ESRRG: variants seen among roughly 807,000 people sequenced by gnomAD.
ESRRG encodes the protein estrogen-related receptor gamma.
A neutral mutation model predicts 44.0 loss-of-function variants in ESRRG; 13 were observed. The observed-to-expected ratio is 0.30, with a 90% CI of 0.19 to 0.47. ESRRG has a LOEUF of 0.47. Among genes scored for constraint, ESRRG ranks in the 20% least tolerant of loss-of-function variants. The pLI is 1.00. For missense variants in ESRRG, 395 were observed against 580.6 expected, an observed-to-expected ratio of 0.68 and a Z score of 3.29; for synonymous variants, 215 against 214.6, an observed-to-expected ratio of 1.00 and a Z score of -0.02.
chr1:217,078,605 G>C (rs1580458150), intron 1 of ESRRG, among the ~76,000 whole-genome samples: 1 of 152,168 alleles, frequency 6.6e-6, no homozygotes, highest in African/African-American at 2.4e-5. Flanking sequence ...CACTGTTACT[G>C]GCTGGATTCT....
At chr1:216,517,856 G>A (rs961879336) in intron 6 of ESRRG, among the ~76,000 whole-genome samples, 1 of 152,108 alleles carries the variant, frequency 6.6e-6, no homozygotes, top group African/African-American at 2.4e-5. Context: ...GTGTGGTGAG[G>A]AAGAGGGTTA....
chr1:216,562,753 T>C (rs1173997211), intron 5 of ESRRG, among the ~76,000 whole-genome samples: 3 of 152,142 alleles, frequency 2.0e-5, no homozygotes, highest in Admixed American at 1.3e-4. Flanking sequence ...GATATATTAA[T>C]ATAAATGATA....
intron 3 of ESRRG, among the ~76,000 whole-genome samples, chr1:216,612,480 T>G (rs1164766134): frequency 2.0e-5 from 3 of 152,184 alleles, no homozygotes; most frequent in Admixed American, 6.5e-5. Flanking sequence ...TGGCACTCTT[T>G]TATCACTTCC....
At chr1:217,010,768 G>A (rs546939477) in intron 1 of ESRRG, among the ~76,000 whole-genome samples, 1 of 152,170 alleles carries the variant, frequency 6.6e-6, no homozygotes, top group African/African-American at 2.4e-5. Context: ...AACAGGCAAA[G>A]ACCAGGAAAA....
chr1:217,134,342 G>A (rs1413500037), intron 1 of ESRRG, among the ~76,000 whole-genome samples: 1 of 152,144 alleles, frequency 6.6e-6, no homozygotes, highest in African/African-American at 2.4e-5. Flanking sequence ...GGCCAAAAGG[G>A]GACTCTAACT....
At chr1:216,908,778 T>G (rs2059968015) in intron 2 of ESRRG, among the ~76,000 whole-genome samples, 1 of 151,568 alleles carries the variant, frequency 6.6e-6, no homozygotes, top group Admixed American at 6.6e-5. Flanking sequence ...TTACCTAATG[T>G]TGTTGGGCAC....
chr1:216,756,445 C>T (rs1393678964), intron 2 of ESRRG, among the ~76,000 whole-genome samples: 3 of 151,864 alleles, frequency 2.0e-5, no homozygotes, highest in East Asian at 1.9e-4. Flanking sequence ...CTCTGCATAT[C>T]GCCACAACTT....
At chr1:216,699,030 G>A (rs1357706966) in intron 1 of ESRRG, among the ~76,000 whole-genome samples, 1 of 152,142 alleles carries the variant, frequency 6.6e-6, no homozygotes, top group African/African-American at 2.4e-5. Context: ...CGAGGCTGAG[G>A]GCTGCGTGCT....
At chr1:217,049,712 G>A (rs372838928) in intron 1 of ESRRG, among the ~76,000 whole-genome samples, 222 of 152,244 alleles carry the variant, frequency 1.5e-3, no homozygotes, top group African/African-American at 5.1e-3. Context: ...CCATGGTTGC[G>A]GCCTGAGCTC....
At chr1:217,128,030 A>T (rs957287254) in intron 1 of ESRRG, among the ~76,000 whole-genome samples, 1 of 152,196 alleles carries the variant, frequency 6.6e-6, no homozygotes, top group African/African-American at 2.4e-5. Flanking sequence ...CTCGCTGGCC[A>T]CGCAAGAGCA....
intron 2 of ESRRG, among the ~76,000 whole-genome samples, chr1:216,832,691 C>T (rs921942906): frequency 3.9e-5 from 6 of 152,164 alleles, no homozygotes; most frequent in Non-Finnish European, 8.8e-5. Context: ...TGGCTGGGTG[C>T]AGTGGCTCAT....
intron 1 of ESRRG, among the ~76,000 whole-genome samples, chr1:217,080,633 T>TTTTGTTTG (rs200325050): frequency 6.6e-6 from 1 of 151,200 alleles, no homozygotes; most frequent in African/African-American, 2.4e-5. Flanking sequence ...TCTAGTGTTT[T>TTTTGTTTG]TTTGTTTGTT....
chr1:216,534,097 C>T (rs1225662204), intron 5 of ESRRG, among the ~76,000 whole-genome samples: 4 of 152,094 alleles, frequency 2.6e-5, no homozygotes, highest in Non-Finnish European at 5.9e-5. Flanking sequence ...TCTACACACA[C>T]AAATGCAGGC....
intron 2 of ESRRG, among the ~76,000 whole-genome samples, chr1:216,889,905 A>G (rs564862829): frequency 5.5e-4 from 84 of 152,348 alleles, no homozygotes; most frequent in Middle Eastern, 3.4e-3. Context: ...GGTTAAAAAT[A>G]CTGAAATCTT....
chr1:216,664,343 C>T (rs1040504536), intron 2 of ESRRG, among the ~76,000 whole-genome samples: 27 of 151,872 alleles, frequency 1.8e-4, no homozygotes, highest in African/African-American at 6.3e-4. Flanking sequence ...GAAGTGCCTA[C>T]TTCATTGGGA....
chr1:216,888,424 G>T (rs2057340199), intron 2 of ESRRG, among the ~76,000 whole-genome samples: 1 of 152,052 alleles, frequency 6.6e-6, no homozygotes, highest in Non-Finnish European at 1.5e-5. Flanking sequence ...GAGACTATTT[G>T]CTTGTTTGTC....
At chr1:216,853,927 CA>C (rs1388635012) in intron 2 of ESRRG, among the ~76,000 whole-genome samples, 1 of 152,150 alleles carries the variant, frequency 6.6e-6, no homozygotes, top group African/African-American at 2.4e-5. Context: ...CCTTTCAGAG[CA>C]TGTGTGCCTT....
intron 1 of ESRRG, among the ~76,000 whole-genome samples, chr1:216,943,060 A>G (rs1337529980): frequency 6.6e-6 from 1 of 152,156 alleles, no homozygotes; most frequent in Middle Eastern, 3.2e-3. Context: ...ATTACAAAAA[A>G]AAATACAGGA....
intron 1 of ESRRG, among the ~76,000 whole-genome samples, chr1:217,104,238 G>A (rs77614304): frequency 0.014 from 2,195 of 152,346 alleles, 22 homozygotes; most frequent in South Asian, 0.041. Flanking sequence ...CAGCATGGGT[G>A]TGGACAGCAC....
Sources: allele counts gnomAD v4.1 joint callset (sites outside exome capture counted in the v4.1 genomes callset), GRCh38; gene constraint gnomAD v4.1.1; transcripts MANE v1.5; gene names NCBI Gene and HGNC (gene_info 2026-07-23, HGNC 2026-07-21).